Variants in OSBPL1A observed in about 807,000 individuals in gnomAD.
OSBPL1A encodes oxysterol-binding protein-related protein 1.
A neutral mutation model predicts 137.1 loss-of-function variants in OSBPL1A; 80 were observed. That is an observed-to-expected ratio of 0.58 (90% confidence interval 0.49 to 0.70). The LOEUF is 0.70. Ranked by LOEUF, OSBPL1A falls within the 30% of genes least tolerant of loss-of-function variation. The pLI, the probability that OSBPL1A is intolerant of heterozygous loss-of-function variation, is 0.00. For missense variants in OSBPL1A, 970 were observed against 1,129.4 expected, an observed-to-expected ratio of 0.86 and a Z score of 2.02; for synonymous variants, 365 against 389.7, an observed-to-expected ratio of 0.94 and a Z score of 0.75.
intron 5 of OSBPL1A, among the ~76,000 whole-genome samples, chr18:24,340,824 C>A (rs1231602318): frequency 6.6e-6 from 1 of 152,138 alleles, no homozygotes; most frequent in Non-Finnish European, 1.5e-5. Flanking sequence ...CATCAAGTGA[C>A]TCCCAAAAGC....
At chr18:24,233,900 G>T (rs926306539) in intron 16 of OSBPL1A, among the ~76,000 whole-genome samples, 1 of 152,144 alleles carries the variant, frequency 6.6e-6, no homozygotes, top group South Asian at 2.1e-4. Flanking sequence ...TGATCCACTC[G>T]CCTTGGCCTC....
chr18:24,353,006 G>T (rs571779672), intron 4 of OSBPL1A, among the ~76,000 whole-genome samples: 1 of 152,180 alleles, frequency 6.6e-6, no homozygotes, highest in South Asian at 2.1e-4. Context: ...CATAGGCATG[G>T]GCAAGGACTT....
intron 13 of OSBPL1A, among the ~76,000 whole-genome samples, chr18:24,310,633 A>G (rs2090605681): frequency 6.6e-6 from 1 of 151,328 alleles, no homozygotes; most frequent in South Asian, 2.1e-4. Context: ...GAAAAAAAAA[A>G]AGAAGAAATA....
intron 14 of OSBPL1A, among the ~76,000 whole-genome samples, chr18:24,283,778 A>G (rs891213120): frequency 1.3e-5 from 2 of 152,128 alleles, no homozygotes; most frequent in Admixed American, 1.3e-4. Context: ...TAGTTCTTTT[A>G]TTAATACCAT....
intron 4 of OSBPL1A, chr18:24,358,556 T>C (rs1568051261): frequency 1.4e-6 from 1 of 701,808 alleles, no homozygotes; most frequent in Non-Finnish European, 2.6e-6. Context: ...TCATTCTCCA[T>C]CAAATGAAAC....
chr18:24,365,345 G>T (rs2091688687), intron 4 of OSBPL1A, among the ~76,000 whole-genome samples: 1 of 152,144 alleles, frequency 6.6e-6, no homozygotes, highest in Admixed American at 6.6e-5. Flanking sequence ...AGCATTTTGG[G>T]AGGCTGAGGT....
intron 21 of OSBPL1A, among the ~76,000 whole-genome samples, chr18:24,175,877 A>G (rs1026285942): frequency 6.6e-6 from 1 of 152,230 alleles, no homozygotes; most frequent in Non-Finnish European, 1.5e-5. Context: ...CATAGCACAG[A>G]TGGTTGTCTG....
At chr18:24,207,520 A>G (rs1446828718) in intron 17 of OSBPL1A, among the ~76,000 whole-genome samples, 1 of 152,238 alleles carries the variant, frequency 6.6e-6, no homozygotes, top group Admixed American at 6.5e-5. Context: ...TGATCTGTAT[A>G]TTTAGAAAAG....
At chr18:24,294,216 G>A (rs1407157362) in intron 14 of OSBPL1A, among the ~76,000 whole-genome samples, 5 of 145,984 alleles carry the variant, frequency 3.4e-5, no homozygotes, top group Non-Finnish European at 7.6e-5. Flanking sequence ...TCCAATATGT[G>A]GTTGTTTTTT....
intron 17 of OSBPL1A, among the ~76,000 whole-genome samples, chr18:24,210,829 T>A (rs1482046648): frequency 2.0e-5 from 3 of 151,930 alleles, no homozygotes; most frequent in Non-Finnish European, 2.9e-5. Flanking sequence ...AGCCATCGTA[T>A]CTGGTATAGT....
chr18:24,371,471 G>C (rs1252254604), intron 2 of OSBPL1A, among the ~76,000 whole-genome samples: 1 of 152,078 alleles, frequency 6.6e-6, no homozygotes, highest in Non-Finnish European at 1.5e-5. Context: ...CTTTCCTCCC[G>C]AGGTCTAAGA....
At chr18:24,254,680 G>A (rs956438202) in intron 15 of OSBPL1A, among the ~76,000 whole-genome samples, 5 of 151,944 alleles carry the variant, frequency 3.3e-5, no homozygotes, top group Non-Finnish European at 2.9e-5. Context: ...TACAGCGAAA[G>A]CAGTACTAAG....
At chr18:24,336,222 G>A (rs893275887) in intron 5 of OSBPL1A, among the ~76,000 whole-genome samples, 4 of 152,142 alleles carry the variant, frequency 2.6e-5, no homozygotes, top group Non-Finnish European at 5.9e-5. Flanking sequence ...CAATAAATAC[G>A]TGTTGAATAT....
At chr18:24,316,915 C>G (rs934371880) in intron 11 of OSBPL1A, among the ~76,000 whole-genome samples, 3 of 152,184 alleles carry the variant, frequency 2.0e-5, no homozygotes, top group Non-Finnish European at 4.4e-5. Context: ...GACAATCCAT[C>G]TCTCATTCCA....
chr18:24,289,598 T>G (rs955686093), intron 14 of OSBPL1A, among the ~76,000 whole-genome samples: 4 of 152,128 alleles, frequency 2.6e-5, no homozygotes, highest in Admixed American at 2.6e-4. Flanking sequence ...TTTTGTATTT[T>G]TTAGTAGAGA....
At chr18:24,239,408 A>G in intron 15 of OSBPL1A, 26 bp from the exon 16 acceptor site, 1 of 1,601,850 alleles carries the variant, frequency 6.2e-7, no homozygotes, top group Non-Finnish European at 8.5e-7. Flanking sequence ...TATACAGAAA[A>G]GACTTCAGAG....
At chr18:24,279,834 G>GCTTTT (rs775507652) in intron 15 of OSBPL1A, among the ~76,000 whole-genome samples, 15 of 152,148 alleles carry the variant, frequency 9.9e-5, no homozygotes, top group African/African-American at 2.9e-4. Context: ...TATTTGGTTT[G>GCTTTT]CTTTTCTTTT....
chr18:24,366,785 G>T, intron 4 of OSBPL1A, 107 bp downstream of exon 4: 13 of 1,087,884 alleles, frequency 1.2e-5, no homozygotes, highest in Admixed American at 5.3e-5. Flanking sequence ...ACATTTTTTT[G>T]TGTGGCTTTC....
In OSBPL1A at chr18:24,235,016, G is replaced by A. The variant is rs182904806; in HGVS notation, c.1444+4204C>T. 2.8e-3 allele frequency among the ~76,000 whole-genome samples: 426 copies of A among 152,306 alleles called. 5 individuals are homozygous for A. Among genetic ancestry groups the A allele is most frequent in the African/African-American group, 9.7e-3 (403 of 41,558 alleles). ...TGGAGGGAACAAGGGGACAAAGTGA[G>A]TGTGAAGAGGCAGTAGGGTCTGGAT... On this transcript the variant is annotated intron_variant, in intron 16 of 27. Coordinates refer to ENST00000319481, the MANE Select transcript of OSBPL1A (RefSeq NM_080597.4).
Sources: gnomAD v4.1 joint callset for allele counts (sites outside exome capture counted in the v4.1 genomes callset) on GRCh38, gnomAD v4.1.1 for gene constraint, MANE v1.5 for transcripts, NCBI Gene and HGNC (gene_info 2026-07-23, HGNC 2026-07-21) for gene names.